Variants in DOK5 observed in about 807,000 individuals in gnomAD.
DOK5 encodes the protein downstream of tyrosine kinase 5.
DOK5 carries 27 observed loss-of-function variants against 43.3 expected under a neutral mutation model. The observed-to-expected ratio is 0.62, with a 90% confidence interval of 0.46 to 0.86. The LOEUF (loss-of-function observed/expected upper bound fraction) is 0.86, where lower values mean the gene tolerates loss of function less well. Among genes scored for constraint, DOK5 ranks in the 40% least tolerant of loss-of-function variants. The probability of loss-of-function intolerance (pLI) is 0.00; values close to 1 mark genes in which losing one functional copy is unlikely to be tolerated. For missense variants in DOK5, 373 were observed against 392.9 expected, an observed-to-expected ratio of 0.95 and a Z score of 0.43; for synonymous variants, 146 against 140.1, an observed-to-expected ratio of 1.04 and a Z score of -0.30.
intron 1 of DOK5, among the ~76,000 whole-genome samples, chr20:54,478,725 CAGTTTCCT>C (rs1405896965): frequency 6.6e-6 from 1 of 152,152 alleles, no homozygotes; most frequent in Non-Finnish European, 1.5e-5. Context: ...TTCTTGGCCT[CAGTTTCCT>C]AGTCTGTACA....
chr20:54,534,965 C>G (rs1983909526), intron 1 of DOK5, among the ~76,000 whole-genome samples: 1 of 152,116 alleles, frequency 6.6e-6, no homozygotes, highest in African/African-American at 2.4e-5. Context: ...TCCCGAGTAG[C>G]TGGGATTACA....
At chr20:54,529,285 G>T (rs957664203) in intron 1 of DOK5, among the ~76,000 whole-genome samples, 3 of 152,080 alleles carry the variant, frequency 2.0e-5, no homozygotes, top group African/African-American at 4.8e-5. Context: ...AACAATAATT[G>T]CTCTTCAATT....
chr20:54,574,769 A>G (rs1168211173), intron 2 of DOK5, among the ~76,000 whole-genome samples: 1 of 152,236 alleles, frequency 6.6e-6, no homozygotes, highest in Non-Finnish European at 1.5e-5. Context: ...GATTAAAAAA[A>G]TAGTATTTTG....
intron 1 of DOK5, among the ~76,000 whole-genome samples, chr20:54,505,131 G>C (rs79668114): frequency 0.018 from 2,716 of 152,142 alleles, 84 homozygotes; most frequent in African/African-American, 0.062. Context: ...GTTTGACCTT[G>C]GGGAAGTCAC....
chr20:54,501,963 A>G (rs527428750), intron 1 of DOK5, among the ~76,000 whole-genome samples: 1 of 152,348 alleles, frequency 6.6e-6, no homozygotes, highest in East Asian at 1.9e-4. Context: ...TAACAATGGA[A>G]AGCATTGAAT....
At chr20:54,558,316 G>A (rs1984782947) in intron 2 of DOK5, among the ~76,000 whole-genome samples, 1 of 152,158 alleles carries the variant, frequency 6.6e-6, no homozygotes, top group Non-Finnish European at 1.5e-5. Context: ...TCTACCTGCT[G>A]GCTTTGGAAT....
chr20:54,492,189 C>T (rs1337137634), intron 1 of DOK5, among the ~76,000 whole-genome samples: 1 of 151,856 alleles, frequency 6.6e-6, no homozygotes, highest in African/African-American at 2.4e-5. Context: ...TTTCTCCAAC[C>T]CCAGACTGGT....
At chr20:54,482,856 A>T (rs1981776681) in intron 1 of DOK5, among the ~76,000 whole-genome samples, 1 of 152,236 alleles carries the variant, frequency 6.6e-6, no homozygotes, top group Non-Finnish European at 1.5e-5. Flanking sequence ...TGCACATATG[A>T]ACTCATGCAA....
chr20:54,562,898 G>GT (rs1400750710), intron 2 of DOK5, among the ~76,000 whole-genome samples: 2 of 152,182 alleles, frequency 1.3e-5, no homozygotes, highest in African/African-American at 4.8e-5. Flanking sequence ...GTAACTGCTG[G>GT]TACCTGTGGA....
chr20:54,507,932 G>A (rs952319985), intron 1 of DOK5, among the ~76,000 whole-genome samples: 142 of 152,310 alleles, frequency 9.3e-4, no homozygotes, highest in African/African-American at 3.2e-3. Flanking sequence ...AACCCGTGGA[G>A]GATTTAAGAA....
intron 6 of DOK5, among the ~76,000 whole-genome samples, 187 bp from the exon 7 acceptor site, chr20:54,643,271 G>A (rs999607358): frequency 6.6e-6 from 1 of 152,354 alleles, no homozygotes; most frequent in Admixed American, 6.5e-5. Flanking sequence ...GCAGGGTAAA[G>A]AATGGATGGT....
At chr20:54,555,863 T>C (rs1285825404) in intron 2 of DOK5, among the ~76,000 whole-genome samples, 1 of 152,228 alleles carries the variant, frequency 6.6e-6, no homozygotes, top group East Asian at 1.9e-4. Flanking sequence ...GGGGCCAGGC[T>C]TCTTTGCCAT....
intron 6 of DOK5, among the ~76,000 whole-genome samples, chr20:54,616,557 T>A (rs1986813622): frequency 6.6e-6 from 1 of 152,168 alleles, no homozygotes; most frequent in Non-Finnish European, 1.5e-5. Flanking sequence ...TCTATATTAC[T>A]ATATAAATTA....
intron 1 of DOK5, among the ~76,000 whole-genome samples, chr20:54,489,767 A>AT (rs1181349108): frequency 1.3e-5 from 2 of 151,886 alleles, no homozygotes; most frequent in Non-Finnish European, 2.9e-5. Context: ...GGGTAAATCC[A>AT]TTTTTTTTCC....
chr20:54,612,578 A>AG (rs138077759), intron 6 of DOK5, among the ~76,000 whole-genome samples: 10,428 of 152,280 alleles, frequency 0.068, 398 homozygotes, highest in Middle Eastern at 0.095. Flanking sequence ...ATAGAACAAA[A>AG]GGAGGGTAAG....
At chr20:54,536,986 A>G (rs907109310) in intron 1 of DOK5, among the ~76,000 whole-genome samples, 12 of 152,342 alleles carry the variant, frequency 7.9e-5, no homozygotes, top group African/African-American at 2.9e-4. Context: ...CTTCCCCACT[A>G]GGGTGGTGTC....
intron 6 of DOK5, among the ~76,000 whole-genome samples, chr20:54,640,467 T>A (rs941784004): frequency 1.3e-5 from 2 of 152,242 alleles, no homozygotes; most frequent in Admixed American, 6.5e-5. Context: ...ACTTCCTGCG[T>A]CTTTTCTCCC....
intron 1 of DOK5, among the ~76,000 whole-genome samples, chr20:54,486,361 TATATATAGAC>T (rs1287544823): frequency 2.7e-5 from 4 of 150,798 alleles, no homozygotes; most frequent in African/African-American, 1.0e-4. Context: ...TCTGTATTTG[TATATATAGAC>T]ATATATGTCT....
intron 6 of DOK5, among the ~76,000 whole-genome samples, chr20:54,629,539 A>G (rs540058911): frequency 1.4e-4 from 22 of 152,332 alleles, no homozygotes; most frequent in Non-Finnish European, 2.6e-4. Flanking sequence ...TAATAGATAT[A>G]AAACATATTT....
Sources: gnomAD v4.1 joint callset for allele counts (sites outside exome capture counted in the v4.1 genomes callset) on GRCh38, gnomAD v4.1.1 for gene constraint, MANE v1.5 for transcripts, NCBI Gene and HGNC (gene_info 2026-07-23, HGNC 2026-07-21) for gene names.